LRSAM1: variants seen among roughly 807,000 people sequenced by gnomAD.
LRSAM1 encodes the protein E3 ubiquitin-protein ligase LRSAM1.
A neutral mutation model predicts 118.1 loss-of-function variants in LRSAM1; 96 were observed. The ratio of observed to expected loss-of-function variants is 0.81; its 90% confidence interval spans 0.69 to 0.96. The LOEUF (loss-of-function observed/expected upper bound fraction) is 0.96. Ranked by LOEUF, LRSAM1 falls within the 40% of genes least tolerant of loss-of-function variation. The probability of loss-of-function intolerance (pLI) is 0.00; values close to 1 mark genes in which losing one functional copy is unlikely to be tolerated. For missense variants in LRSAM1, 804 were observed against 915.5 expected, an observed-to-expected ratio of 0.88 and a Z score of 1.57; for synonymous variants, 322 against 364.2, an observed-to-expected ratio of 0.88 and a Z score of 1.32.
intron 24 of LRSAM1, among the ~76,000 whole-genome samples, chr9:127,498,340 C>G (rs1836236046): frequency 6.6e-6 from 1 of 152,230 alleles, no homozygotes; most frequent in South Asian, 2.1e-4. Flanking sequence ...TAGGCCCCTT[C>G]TGGATGTTCC....
At chr9:127,474,852 C>T (rs753354068) in intron 11 of LRSAM1, among the ~76,000 whole-genome samples, 4 of 152,240 alleles carry the variant, frequency 2.6e-5, no homozygotes, top group Middle Eastern at 3.4e-3. Flanking sequence ...CATTAGCCTG[C>T]GTGCCCCCTC....
At chr9:127,495,827 A>G in intron 22 of LRSAM1, 137 bp from the exon 23 acceptor site, 1 of 1,296,024 alleles carries the variant, frequency 7.7e-7, no homozygotes, top group South Asian at 1.3e-5. Context: ...CTGTGTGCCT[A>G]CCTATGAGTT....
chr9:127,496,073 T>A lies in LRSAM1; in HGVS notation c.1808T>A (p.Met603Lys). 1 of 1,611,080 alleles carries A rather than the reference T, an allele frequency of 6.2e-7. No individual in the cohort carries two copies. The highest frequency in any genetic ancestry group is 1.1e-5 in the South Asian group (1 of 91,070). ...CTCTCACTGGACCTGCTGAGCCAAATGAGCCCAGGGGACCTGGCCAAGGTG... is the reference window on the plus strand; with the variant it reads ...CTCTCACTGGACCTGCTGAGCCAAAAGAGCCCAGGGGACCTGGCCAAGGTG... ...HRLSLDLLSQ[M>K]SPGDLAKVGV... The change falls in exon 23 of 26, where the codon ATG (methionine) becomes AAG (lysine). Residue 603 changes from methionine to lysine, a missense_variant. Coordinates refer to ENST00000300417, the MANE Select transcript of LRSAM1 (RefSeq NM_001005373.4).
chr9:127,502,728 T>C, intron 25 of LRSAM1, 46 bp from the exon 26 acceptor site: 1 of 1,567,722 alleles, frequency 6.4e-7, no homozygotes, highest in Non-Finnish European at 8.7e-7. Flanking sequence ...CTGGGACTCC[T>C]GGAACCCGGT....
intron 18 of LRSAM1, among the ~76,000 whole-genome samples, chr9:127,488,261 T>G (rs910039295): frequency 1.3e-5 from 2 of 152,014 alleles, no homozygotes; most frequent in Admixed American, 6.6e-5. Flanking sequence ...CTGTTTAGCG[T>G]TTTTGTTTTC....
intron 12 of LRSAM1, 150 bp downstream of exon 12, chr9:127,479,113 A>G: frequency 2.1e-6 from 2 of 957,384 alleles, no homozygotes; most frequent in Non-Finnish European, 3.2e-6. Context: ...CTGCATCCTC[A>G]CATGCCTCAG....
intron 9 of LRSAM1, among the ~76,000 whole-genome samples, chr9:127,466,509 T>TATATATATACA (rs1834951315): frequency 1.3e-5 from 1 of 74,602 alleles, no homozygotes; most frequent in African/African-American, 7.1e-5. Context: ...TATATATTTT[T>TATATATATACA]TTTTTTTTTT....
At chr9:127,479,093 A>T in intron 12 of LRSAM1, 130 bp downstream of exon 12, 1 of 906,404 alleles carries the variant, frequency 1.1e-6, no homozygotes, top group Non-Finnish European at 1.6e-6. Context: ...TTCCTCTTAC[A>T]CGCAGTCTGC....
rs531845026 is a variant in LRSAM1, at chr9:127,483,086, C to A, written c.1159+66C>A. Reference sequence around the variant, plus strand: ...TGGCTGGGCTGGCAGGGTGGATGGCCCTCCCTCTGTTGGCCATGCATGGAG... The same window carrying A: ...TGGCTGGGCTGGCAGGGTGGATGGCACTCCCTCTGTTGGCCATGCATGGAG... On this transcript the variant is annotated intron_variant, in intron 16 of 25. Transcript: ENST00000300417. 4.0e-6 allele frequency: 6 copies of A among 1,497,256 alleles called. No individual in the cohort carries two copies. The African/African-American group carries it at 6.9e-5, about 17-fold the overall frequency. The allele number at this position is 1,497,256 out of a possible 1,614,324, so 92.7% of individuals were successfully genotyped here.
At chr9:127,461,769 C>T (rs1007388341) in intron 8 of LRSAM1, among the ~76,000 whole-genome samples, 3 of 152,252 alleles carry the variant, frequency 2.0e-5, no homozygotes, top group Non-Finnish European at 2.9e-5. Context: ...ACTGCACAGG[C>T]GCCTTACCCG....
At chr9:127,484,849 C>A (rs1032879130) in intron 16 of LRSAM1, among the ~76,000 whole-genome samples, 1 of 129,714 alleles carries the variant, frequency 7.7e-6, no homozygotes, top group African/African-American at 2.9e-5. Context: ...TGCTCTGTTG[C>A]CCAGGCTGGA....
intron 24 of LRSAM1, among the ~76,000 whole-genome samples, chr9:127,498,615 G>A (rs1397712662): frequency 6.6e-6 from 1 of 152,238 alleles, no homozygotes; most frequent in Non-Finnish European, 1.5e-5. Flanking sequence ...GAAAACGGAT[G>A]CCTGGGCTGC....
intron 11 of LRSAM1, 21 bp downstream of exon 11, chr9:127,473,952 G>C (rs1449703354): frequency 6.2e-7 from 1 of 1,614,030 alleles, no homozygotes; most frequent in East Asian, 2.2e-5. Context: ...GCAGCCTGCT[G>C]CACGCATACA....
chr9:127,463,945 G>A (rs942060367), intron 9 of LRSAM1, among the ~76,000 whole-genome samples: 4 of 152,240 alleles, frequency 2.6e-5, no homozygotes, highest in African/African-American at 9.6e-5. Flanking sequence ...ACTTGCCCAA[G>A]GGCCACACAG....
In LRSAM1 at chr9:127,461,778, C is replaced by T. The variant is rs369153994; in HGVS notation, c.407-474C>T. Among the ~76,000 whole-genome samples the T allele has an allele frequency of 3.3e-5, 5 of 152,382 alleles. No homozygotes were observed. In the East Asian group the frequency reaches 5.8e-4, roughly 18 times the overall value. ...AAGACCACTGCACAGGCGCCTTACC[C>T]GCAGGAGCGCTCTGCTCGCCACACC... On this transcript the variant is annotated intron_variant, in intron 8 of 25. Transcript: ENST00000300417.
chr9:127,469,639 C>A (rs1021438916), intron 10 of LRSAM1, among the ~76,000 whole-genome samples: 10 of 148,490 alleles, frequency 6.7e-5, no homozygotes, highest in African/African-American at 2.0e-4. Flanking sequence ...AAACAAAAAA[C>A]TTCCTGCTGA....
At chr9:127,479,691 CT>C in intron 13 of LRSAM1, 147 bp from the exon 14 acceptor site, 2 of 1,321,828 alleles carry the variant, frequency 1.5e-6, no homozygotes, top group South Asian at 2.7e-5. Context: ...CAGATGGACA[CT>C]GTAGCCTACT....
intron 23 of LRSAM1, among the ~76,000 whole-genome samples, chr9:127,496,556 G>A (rs1267936857): frequency 2.0e-5 from 3 of 152,184 alleles, no homozygotes; most frequent in African/African-American, 4.8e-5. Context: ...CTGCACGTGC[G>A]GGGCACCATT....
intron 6 of LRSAM1, 82 bp downstream of exon 6, chr9:127,457,475 C>T: frequency 4.6e-6 from 6 of 1,298,730 alleles, no homozygotes; most frequent in Non-Finnish European, 6.6e-6. Context: ...TTTGGGCTGC[C>T]TCTTGCATGT....
Sources: gnomAD v4.1 joint callset for allele counts (sites outside exome capture counted in the v4.1 genomes callset) on GRCh38, gnomAD v4.1.1 for gene constraint, MANE v1.5 for transcripts, NCBI Gene and HGNC (gene_info 2026-07-23, HGNC 2026-07-21) for gene names.